Variants in DOCK4 observed in about 807,000 individuals in gnomAD.
DOCK4 encodes dedicator of cytokinesis 4, also known as dedicator of cytokinesis protein 4.
DOCK4 carries 97 observed loss-of-function variants against 268.1 expected under a neutral mutation model. The observed-to-expected ratio is 0.36, with a 90% confidence interval of 0.31 to 0.43. The LOEUF (loss-of-function observed/expected upper bound fraction) is 0.43, where lower values mean the gene tolerates loss of function less well. Among genes scored for constraint, DOCK4 ranks in the 20% least tolerant of loss-of-function variants. The probability of loss-of-function intolerance (pLI) is 1.00; values close to 1 mark genes in which losing one functional copy is unlikely to be tolerated. For synonymous variants in DOCK4, 954 were observed against 887.2 expected (o/e 1.08, Z -1.34); for missense variants, 2,145 against 2,455.7 (o/e 0.87, Z 2.67).
intron 1 of DOCK4, among the ~76,000 whole-genome samples, chr7:112,014,875 G>C (rs140957466): frequency 2.0e-5 from 3 of 151,936 alleles, no homozygotes; most frequent in Non-Finnish European, 4.4e-5. Flanking sequence ...ACTGCACTCC[G>C]GCCTGAGAAA....
chr7:111,896,052 A>C (rs1258710405), intron 15 of DOCK4, among the ~76,000 whole-genome samples: 2 of 152,200 alleles, frequency 1.3e-5, no homozygotes, highest in Non-Finnish European at 2.9e-5. Flanking sequence ...TGTTTCAAAG[A>C]GTGCTAGGAA....
At chr7:111,904,899 T>A (rs1791433550) in intron 13 of DOCK4, among the ~76,000 whole-genome samples, 1 of 152,180 alleles carries the variant, frequency 6.6e-6, no homozygotes, top group South Asian at 2.1e-4. Context: ...GTTCACAAAA[T>A]CAAACCCCTC....
chr7:112,187,349 C>G (rs1228381551), intron 1 of DOCK4, among the ~76,000 whole-genome samples: 1 of 152,174 alleles, frequency 6.6e-6, no homozygotes, highest in African/African-American at 2.4e-5. Flanking sequence ...AAGACATTAT[C>G]TCCATCAATT....
At chr7:112,050,252 T>C (rs1209011592) in intron 1 of DOCK4, among the ~76,000 whole-genome samples, 4 of 152,132 alleles carry the variant, frequency 2.6e-5, no homozygotes, top group Non-Finnish European at 5.9e-5. Flanking sequence ...TGAACCAGTC[T>C]TGTTTGTATT....
intron 52 of DOCK4, 141 bp from the exon 53 acceptor site, chr7:111,728,861 G>T: frequency 1.3e-6 from 1 of 761,268 alleles, no homozygotes; most frequent in East Asian, 2.7e-5. Flanking sequence ...AGCCTTTAAG[G>T]AGGTGATTAA....
intron 13 of DOCK4, among the ~76,000 whole-genome samples, chr7:111,909,123 CCCA>C (rs1010195177): frequency 1.3e-4 from 20 of 152,226 alleles, no homozygotes; most frequent in African/African-American, 4.6e-4. Flanking sequence ...TATTTACACT[CCCA>C]CCAACAGTGT....
chr7:111,746,554 T>C, intron 43 of DOCK4, 137 bp from the exon 44 acceptor site: 1 of 651,096 alleles, frequency 1.5e-6, no homozygotes, highest in East Asian at 2.8e-5. Flanking sequence ...GGCTGATTAC[T>C]AGTGTAGGTG....
At chr7:111,771,389 C>G (rs931386352) in intron 36 of DOCK4, among the ~76,000 whole-genome samples, 1 of 152,222 alleles carries the variant, frequency 6.6e-6, no homozygotes, top group East Asian at 1.9e-4. Context: ...CACAAGAAAG[C>G]TGCCCGACGG....
intron 25 of DOCK4, among the ~76,000 whole-genome samples, chr7:111,839,182 C>T (rs774849382): frequency 6.6e-6 from 1 of 152,214 alleles, no homozygotes; most frequent in Non-Finnish European, 1.5e-5. Context: ...GAAAATACAC[C>T]TGAGGTTTTT....
intron 7 of DOCK4, among the ~76,000 whole-genome samples, chr7:111,981,583 A>T (rs892712351): frequency 1.3e-5 from 2 of 152,204 alleles, no homozygotes; most frequent in African/African-American, 4.8e-5. Context: ...AGAAAAGCAC[A>T]TGCTCTTCTG....
Position 111,868,074 on chromosome 7 carries a change from C to G in DOCK4, c.2190G>C (p.Glu730Asp). Residue 730 changes from glutamate to aspartate, a missense_variant, in exon 22 of 53, where the codon GAG becomes GAC. By Grantham distance (45) the Glu-to-Asp change is conservative (BLOSUM62 2). Around this residue, in one of 2 missense-constraint regions of DOCK4, gnomAD observed 1,598 missense variants for 1,986.7 expected, o/e 0.80. Transcript: ENST00000428084. Reference protein sequence around the residue: ...SLATGGQNEEEFRCCIQELLM... With the variant: ...SLATGGQNEEDFRCCIQELLM... ...GAAGCTCCTGAATGCAGCAGCGGAA[C>G]TCCTCTTCGTTTTGCCCACCAGTGG... 6.2e-7 allele frequency: 1 copy of G among 1,613,762 alleles called. No homozygotes were observed. The highest frequency in any genetic ancestry group is 1.1e-5 in the South Asian group (1 of 91,020).
chr7:111,755,129 A>G (rs895456617), intron 42 of DOCK4, among the ~76,000 whole-genome samples: 13 of 152,220 alleles, frequency 8.5e-5, no homozygotes, highest in Non-Finnish European at 1.5e-5. Flanking sequence ...ATAAGAATAT[A>G]TACCTCATAG....
At chr7:111,983,861 C>T (rs1364032254) in intron 7 of DOCK4, among the ~76,000 whole-genome samples, 1 of 55,566 alleles carries the variant, frequency 1.8e-5, no homozygotes, top group Non-Finnish European at 5.7e-5. Context: ...CGCGCGCGCG[C>T]GCACACACAC....
chr7:112,201,670 TG>T (rs1217837871), intron 1 of DOCK4, among the ~76,000 whole-genome samples: 54 of 111,176 alleles, frequency 4.9e-4, no homozygotes, highest in Middle Eastern at 8.1e-3. Flanking sequence ...GGGGGAGGAA[TG>T]GGGGGGTGTG....
At chr7:111,984,970 G>A (rs930666404) in intron 6 of DOCK4, among the ~76,000 whole-genome samples, 1 of 152,194 alleles carries the variant, frequency 6.6e-6, no homozygotes, top group African/African-American at 2.4e-5. Flanking sequence ...TTGGGCCTGG[G>A]CTGGCAGAAT....
At chr7:111,913,462 T>A (rs1792304262) in intron 13 of DOCK4, among the ~76,000 whole-genome samples, 1 of 147,436 alleles carries the variant, frequency 6.8e-6, no homozygotes, top group African/African-American at 2.5e-5. Context: ...CAGGCTGGAG[T>A]GCAGTGGCGC....
At chr7:112,130,757 G>A (rs1243902427) in intron 1 of DOCK4, among the ~76,000 whole-genome samples, 1 of 152,162 alleles carries the variant, frequency 6.6e-6, no homozygotes, top group Non-Finnish European at 1.5e-5. Context: ...CAGAGGCTGA[G>A]TAAAAATACA....
chr7:111,898,120 C>T (rs1436396687), intron 15 of DOCK4, among the ~76,000 whole-genome samples: 1 of 152,188 alleles, frequency 6.6e-6, no homozygotes, highest in Non-Finnish European at 1.5e-5. Flanking sequence ...CAAATCCTCT[C>T]GTGGTTCTTC....
intron 8 of DOCK4, among the ~76,000 whole-genome samples, chr7:111,951,256 G>A (rs1796024142): frequency 6.6e-6 from 1 of 152,176 alleles, no homozygotes; most frequent in African/African-American, 2.4e-5. Flanking sequence ...TGTGTACCCT[G>A]TGCCAGACCC....
Sources: allele counts gnomAD v4.1 joint callset (sites outside exome capture counted in the v4.1 genomes callset), GRCh38; gene constraint gnomAD v4.1.1; regional missense constraint gnomAD v4.1.1; transcripts MANE v1.5; gene names NCBI Gene and HGNC (gene_info 2026-07-23, HGNC 2026-07-21).